Variants in CELF2 observed in about 807,000 individuals in gnomAD.
CELF2 encodes CUGBP Elav-like family member 2.
CELF2 carries 8 observed loss-of-function variants against 62.6 expected under a neutral mutation model. That is an observed-to-expected ratio of 0.13 (90% CI 0.07 to 0.23). The LOEUF (loss-of-function observed/expected upper bound fraction) is 0.23, where lower values mean the gene tolerates loss of function less well. Ranked by LOEUF, CELF2 falls within the 10% of genes least tolerant of loss-of-function variation. The pLI is 1.00. For synonymous variants in CELF2, 258 were observed against 250.0 expected, an observed-to-expected ratio of 1.03 and a Z score of -0.30; for missense variants, 333 against 671.0, an observed-to-expected ratio of 0.50 and a Z score of 5.56.
intron 9 of CELF2, among the ~76,000 whole-genome samples, chr10:11,292,232 T>C (rs1486367457): frequency 6.6e-6 from 1 of 152,230 alleles, no homozygotes; most frequent in Admixed American, 6.5e-5. Context: ...AAGGAAATGG[T>C]GACACTTCCT....
At chr10:10,975,093 C>T (rs191237723) in intron 2 of CELF2, among the ~76,000 whole-genome samples, 7 of 152,294 alleles carry the variant, frequency 4.6e-5, no homozygotes, top group Admixed American at 3.9e-4. Context: ...CTGTCTCTCA[C>T]TTCCTTTGTG....
chr10:10,745,111 C>T, the CELF2 span, among the ~76,000 whole-genome samples: 2 of 81,084 alleles, frequency 2.5e-5, no homozygotes, highest in Admixed American at 2.3e-4. Context: ...AACCATGCCA[C>T]GTAAAAAAAA....
the CELF2 span, among the ~76,000 whole-genome samples, chr10:10,642,546 G>A: frequency 6.6e-6 from 1 of 152,200 alleles, no homozygotes; most frequent in Non-Finnish European, 1.5e-5. Flanking sequence ...ATGTGCTTTA[G>A]CTCTTTTGAA....
chr10:10,502,611 A>G, the CELF2 span, among the ~76,000 whole-genome samples: 4 of 151,966 alleles, frequency 2.6e-5, no homozygotes, highest in Admixed American at 1.3e-4. Context: ...CATGGTCTGT[A>G]ATAACATACC....
In CELF2 at chr10:11,125,673, G is replaced by A. The variant is rs530348464; in HGVS notation, c.75-39813G>A. On this transcript the variant is annotated intron_variant, in intron 1 of 12. Transcript: ENST00000633077. ...ATGCTGTTAGAGCGGTGATGGTAGCGTTTTGCCACACTGCTGTCACCTCTC... is the reference window on the plus strand; with the variant it reads ...ATGCTGTTAGAGCGGTGATGGTAGCATTTTGCCACACTGCTGTCACCTCTC... Among the ~76,000 whole-genome samples, 210 of 152,138 alleles carry A rather than the reference G, an allele frequency of 1.4e-3. 1 individual carries two copies. The highest frequency in any genetic ancestry group is 4.6e-3 in the African/African-American group (189 of 41,496).
the CELF2 span, among the ~76,000 whole-genome samples, chr10:10,757,866 A>G: frequency 6.6e-6 from 1 of 152,242 alleles, no homozygotes; most frequent in Non-Finnish European, 1.5e-5. Flanking sequence ...TATATAGTTT[A>G]AAACTTGTAA....
intron 1 of CELF2, among the ~76,000 whole-genome samples, chr10:11,037,669 G>A (rs1052985330): frequency 5.3e-5 from 8 of 152,140 alleles, no homozygotes; most frequent in South Asian, 4.1e-4. Context: ...CTAAAAGAAC[G>A]GTGAGAGTTG....
At chr10:10,535,747 C>T in the CELF2 span, among the ~76,000 whole-genome samples, 7 of 152,042 alleles carry the variant, frequency 4.6e-5, no homozygotes, top group South Asian at 1.5e-3. Flanking sequence ...AAAACAAAAA[C>T]AACAACAACA....
rs11256930 is a variant in CELF2 at position 10,946,580 on chromosome 10, A to G, written c.89+26581A>G. On this transcript the variant is annotated intron_variant, in intron 2 of 13. Transcript: ENST00000636488. ...GTTGGAAATCAAAAGGTAGGGGGATATATGTTCTCTTTTTCTTTTCCTAAA... is the reference window on the plus strand; with the variant it reads ...GTTGGAAATCAAAAGGTAGGGGGATGTATGTTCTCTTTTTCTTTTCCTAAA... 7 of 152,572 alleles carry G rather than the reference A, an allele frequency of 4.6e-5. No homozygotes were observed. The East Asian group carries it at 1.2e-3, about 25-fold the overall frequency. 9.5% of individuals were successfully genotyped at this position (152,572 alleles called of 1,614,324 possible).
chr10:11,110,311 A>G lies in CELF2; in HGVS notation c.75-55175A>G, dbSNP rs1035574833. On this transcript the variant is annotated intron_variant, in intron 1 of 12. Coordinates refer to ENST00000633077, the MANE Select transcript of CELF2 (RefSeq NM_001326342.2). This position sits in a 1 kb window ranked among gnomAD's most constrained non-coding sequence, Gnocchi z 4.0. ...CTGCTTTTTGTTCTTTTCTAGCTAC[A>G]TTACATCTTTAGATGTATTACTAGA... Among the ~76,000 whole-genome samples, 2 of 152,156 alleles carry G rather than the reference A, an allele frequency of 1.3e-5. No homozygotes were observed. The highest frequency in any genetic ancestry group is 1.3e-4 in the Admixed American group (2 of 15,270).
chr10:10,640,910 A>G, the CELF2 span, among the ~76,000 whole-genome samples: 2 of 152,074 alleles, frequency 1.3e-5, no homozygotes, highest in Admixed American at 6.6e-5. Context: ...TTCCCTCCAC[A>G]TTGCCTGTCA....
the CELF2 span, among the ~76,000 whole-genome samples, chr10:10,703,519 GA>G: frequency 1.3e-5 from 2 of 152,196 alleles, no homozygotes; most frequent in African/African-American, 2.4e-5. Flanking sequence ...GACTAAACAG[GA>G]AAACACAGCC....
At chr10:10,504,015 T>C in the CELF2 span, among the ~76,000 whole-genome samples, 1 of 152,068 alleles carries the variant, frequency 6.6e-6, no homozygotes, top group African/African-American at 2.4e-5. Context: ...TCTTCCTCTA[T>C]GTCCTCTTAC....
chr10:10,575,710 CA>C, the CELF2 span, among the ~76,000 whole-genome samples: 2 of 152,138 alleles, frequency 1.3e-5, no homozygotes, highest in South Asian at 4.1e-4. Flanking sequence ...CCAATTAAAA[CA>C]GGTTTGGTGC....
intron 1 of CELF2, among the ~76,000 whole-genome samples, chr10:10,803,445 C>T (rs2054875851): frequency 6.6e-6 from 1 of 152,192 alleles, no homozygotes; most frequent in Admixed American, 6.5e-5. Flanking sequence ...TTTTCATTAG[C>T]TACTCCCTCT....
the CELF2 span, among the ~76,000 whole-genome samples, chr10:10,664,475 T>C: frequency 6.6e-6 from 1 of 152,196 alleles, no homozygotes; most frequent in Admixed American, 6.5e-5. Flanking sequence ...TTTGAAACAA[T>C]ATTACAAAGA....
chr10:10,778,622 A>G, the CELF2 span, among the ~76,000 whole-genome samples: 1 of 152,224 alleles, frequency 6.6e-6, no homozygotes, highest in African/African-American at 2.4e-5. Flanking sequence ...TTTGCCTCTG[A>G]GGAGACTCTC....
intron 2 of CELF2, among the ~76,000 whole-genome samples, chr10:11,186,791 A>G (rs2075059868): frequency 6.6e-6 from 1 of 152,204 alleles, no homozygotes; most frequent in Admixed American, 6.5e-5. Context: ...GAAAGCAAAA[A>G]TCCAATACAT....
chr10:10,626,089 G>T, the CELF2 span, among the ~76,000 whole-genome samples: 2 of 152,080 alleles, frequency 1.3e-5, no homozygotes, highest in Admixed American at 1.3e-4. Context: ...CTCCCAACTT[G>T]AACCAAAATA....
Sources: gnomAD v4.1 joint callset for allele counts (sites outside exome capture counted in the v4.1 genomes callset) on GRCh38, gnomAD v4.1.1 for gene constraint, Gnocchi (gnomAD v3.1) non-coding constraint, MANE v1.5 for transcripts, NCBI Gene and HGNC (gene_info 2026-07-23, HGNC 2026-07-21) for gene names.